PRIM2: variants seen among roughly 807,000 people sequenced by gnomAD.
PRIM2 encodes DNA primase large subunit.
In PRIM2, 39 loss-of-function variants were observed where a neutral mutation model predicts 67.3. That is an observed-to-expected ratio of 0.58 (90% CI 0.45 to 0.76). The LOEUF (loss-of-function observed/expected upper bound fraction) is 0.76, where lower values mean the gene tolerates loss of function less well. Ranked by LOEUF, PRIM2 falls within the 30% of genes least tolerant of loss-of-function variation. The pLI, the probability that PRIM2 is intolerant of heterozygous loss-of-function variation, is 0.00. For synonymous variants in PRIM2, 143 were observed against 198.7 expected, an observed-to-expected ratio of 0.72 and a Z score of 2.36; for missense variants, 398 against 598.7, an observed-to-expected ratio of 0.66 and a Z score of 3.50.
upstream of PRIM2, among the ~76,000 whole-genome samples, chr6:57,310,926 C>T (rs1767370373): frequency 6.7e-6 from 1 of 149,728 alleles, no homozygotes; most frequent in Non-Finnish European, 1.5e-5. Flanking sequence ...ACACCCCTCG[C>T]CTCCCAAACG....
chr6:57,318,609 A>G lies in PRIM2; in HGVS notation c.154+10A>G, dbSNP rs375453553. 9 of 1,533,036 alleles carry G rather than the reference A, an allele frequency of 5.9e-6. No individual in the cohort carries two copies. In the African/African-American group the frequency reaches 1.1e-4, roughly 19 times the overall value. The allele number at this position is 1,533,036 out of a possible 1,614,324, so 95.0% of individuals were successfully genotyped here. On this transcript the variant is annotated intron_variant, in intron 2 of 13. Coordinates refer to ENST00000615550, the MANE Select transcript of PRIM2 (RefSeq NM_000947.5). ...ATTGATAGAGTTAAATGTAAGTACT[A>G]TTTAAATTAGAATGTATATATTCTT...
chr6:57,275,856 A>G, the PRIM2 span, among the ~76,000 whole-genome samples: 3 of 152,154 alleles, frequency 2.0e-5, no homozygotes, highest in Non-Finnish European at 4.4e-5. Flanking sequence ...GGGTAACAGA[A>G]ACGTCCATAG....
Position 57,646,356 on chromosome 6 carries a change from C to T in PRIM2, c.*198C>T, listed in dbSNP as rs1203503039. The stretch of plus-strand genomic sequence containing the variant: ...AGTAGTTAGGACCACAGGTGTGCAC[C>T]TCATATCCAGATAATTTTTTTCAAT... On this transcript the variant is annotated 3_prime_UTR_variant, in exon 14 of 14. Transcript: ENST00000615550. 1 of 553,934 alleles carries T rather than the reference C, an allele frequency of 1.8e-6. No homozygotes were observed. Among genetic ancestry groups the T allele is most frequent in the Admixed American group, 3.3e-5 (1 of 30,112 alleles). The allele number at this position is 553,934 out of a possible 1,614,324, so 34.3% of individuals were successfully genotyped here. A position where few individuals can be genotyped will look rare whatever the true frequency, so the allele number is the denominator to read the frequency against.
chr6:57,280,825 A>T, the PRIM2 span, among the ~76,000 whole-genome samples: 2,187 of 151,968 alleles, frequency 0.014, 17 homozygotes, highest in Middle Eastern at 0.02. Context: ...CTTTTTTTTT[A>T]AAAAAAATTT....
chr6:57,377,212 A>G (rs1210190281), intron 5 of PRIM2, among the ~76,000 whole-genome samples: 3 of 151,990 alleles, frequency 2.0e-5, no homozygotes, highest in African/African-American at 7.3e-5. Context: ...TGAATCCAGA[A>G]ACCTGACTCA....
intron 7 of PRIM2, among the ~76,000 whole-genome samples, chr6:57,392,479 A>G (rs1770384614): frequency 6.6e-6 from 1 of 152,100 alleles, no homozygotes; most frequent in Non-Finnish European, 1.5e-5. Flanking sequence ...GTTTTGCAAT[A>G]GCCAAAAATT....
intron 7 of PRIM2, among the ~76,000 whole-genome samples, chr6:57,397,971 T>A (rs72871659): frequency 6.6e-6 from 1 of 150,682 alleles, no homozygotes; most frequent in African/African-American, 2.5e-5. Flanking sequence ...TTCTTTCTTT[T>A]TTTTTTTGAG....
intron 6 of PRIM2, 69 bp from the exon 7 acceptor site, chr6:57,381,962 A>G (rs1320371913): frequency 6.8e-7 from 1 of 1,467,112 alleles, no homozygotes; most frequent in Non-Finnish European, 9.2e-7. Context: ...TATACTTTAT[A>G]CATATGAAGA....
At chr6:57,326,469 C>G (rs1035879978) in intron 5 of PRIM2, 7 of 155,160 alleles carry the variant, frequency 4.5e-5, no homozygotes, top group African/African-American at 1.7e-4. Flanking sequence ...ACCTGTAATC[C>G]CAGCACTTTG....
the PRIM2 span, among the ~76,000 whole-genome samples, chr6:57,224,846 A>G: frequency 7.5e-3 from 1,145 of 152,342 alleles, 11 homozygotes; most frequent in African/African-American, 0.026. Flanking sequence ...AGTTGAAGGC[A>G]ATTAAGAAAC....
chr6:57,233,627 TTTCCTCCCTCCCTCCCTTCC>T, the PRIM2 span, among the ~76,000 whole-genome samples: 1 of 77,752 alleles, frequency 1.3e-5, no homozygotes, highest in Non-Finnish European at 2.3e-5. Context: ...CCTCCTTCCC[TTTCCTCCCTCCCTCCCTTCC>T]TTCCTCCCTC....
chr6:57,547,295 G>A (rs1775308674), intron 10 of PRIM2, among the ~76,000 whole-genome samples: 1 of 151,980 alleles, frequency 6.6e-6, no homozygotes, highest in Non-Finnish European at 1.5e-5. Context: ...GGGTACATGT[G>A]CAGGTTTGTT....
At chr6:57,459,406 T>C (rs1428259165) in intron 7 of PRIM2, among the ~76,000 whole-genome samples, 1 of 152,328 alleles carries the variant, frequency 6.6e-6, no homozygotes, top group East Asian at 1.9e-4. Flanking sequence ...AAAATGATCT[T>C]ATTAGGTGGA....
At chr6:57,450,268 ATAG>A (rs1166328254) in intron 7 of PRIM2, among the ~76,000 whole-genome samples, 8 of 152,328 alleles carry the variant, frequency 5.3e-5, no homozygotes, top group African/African-American at 1.9e-4. Flanking sequence ...TTAATAGTTA[ATAG>A]TTCTTTTTGG....
At chr6:57,475,385 A>C (rs1182422763) in intron 7 of PRIM2, among the ~76,000 whole-genome samples, 236 of 152,282 alleles carry the variant, frequency 1.5e-3, no homozygotes, top group Non-Finnish European at 2.7e-3. Flanking sequence ...TCCCAGACCT[A>C]GACAAACACT....
chr6:57,320,346 T>A (rs1307127640), intron 2 of PRIM2, 111 bp from the exon 3 acceptor site: 6 of 659,316 alleles, frequency 9.1e-6, no homozygotes, highest in Non-Finnish European at 1.5e-5. Context: ...AACTGGCAAT[T>A]ACCTGTCATG....
At chr6:57,304,630 G>A in the PRIM2 span, among the ~76,000 whole-genome samples, 1 of 152,182 alleles carries the variant, frequency 6.6e-6, no homozygotes, top group Non-Finnish European at 1.5e-5. Context: ...AGGAGGAGGT[G>A]TTGAGTGGGG....
chr6:57,259,256 C>T, the PRIM2 span, among the ~76,000 whole-genome samples: 3 of 152,144 alleles, frequency 2.0e-5, no homozygotes, highest in Non-Finnish European at 4.4e-5. Flanking sequence ...CCAGTAGTAT[C>T]TTTGAGTCAT....
intron 7 of PRIM2, among the ~76,000 whole-genome samples, chr6:57,434,492 T>C (rs945249341): frequency 2.6e-5 from 4 of 152,096 alleles, no homozygotes; most frequent in Non-Finnish European, 5.9e-5. Context: ...GTAACACCAA[T>C]AATTGACAAG....
Sources: gnomAD v4.1 joint callset for allele counts (sites outside exome capture counted in the v4.1 genomes callset) on GRCh38, gnomAD v4.1.1 for gene constraint, MANE v1.5 for transcripts, NCBI Gene and HGNC (gene_info 2026-07-23, HGNC 2026-07-21) for gene names.